The following ANKS4B variants were observed in gnomAD, a reference collection of about 807,000 sequenced individuals.
ANKS4B encodes ankyrin repeat and sterile alpha motif domain containing 4B, also known as ankyrin repeat and SAM domain-containing protein 4B.
In ANKS4B, 21 loss-of-function variants were observed where a neutral mutation model predicts 20.2. The observed-to-expected ratio is 1.04, with a 90% CI of 0.74 to 1.50. The LOEUF (loss-of-function observed/expected upper bound fraction) is 1.50. Among genes scored for constraint, ANKS4B ranks in the 40% most tolerant of loss-of-function variants. The pLI is 0.00. For synonymous variants in ANKS4B, 179 were observed against 194.5 expected (o/e 0.92, Z 0.66); for missense variants, 473 against 494.6 (o/e 0.96, Z 0.41).
intron 1 of ANKS4B, among the ~76,000 whole-genome samples, chr16:21,248,652 C>G (rs1288844293): frequency 6.6e-6 from 1 of 151,996 alleles, no homozygotes; most frequent in Non-Finnish European, 1.5e-5. Flanking sequence ...ATCGCTTGAA[C>G]CTGGGAGGTG....
At chr16:21,249,657 G>T (rs1372193904) in intron 1 of ANKS4B, 74 bp from the exon 2 acceptor site, 23 of 1,481,684 alleles carry the variant, frequency 1.6e-5, no homozygotes, top group Admixed American at 2.2e-5. Flanking sequence ...CTTTATTTTT[G>T]TTTTGATTTT....
At chr16:21,234,992 G>A (rs1198284710) in intron 1 of ANKS4B, among the ~76,000 whole-genome samples, 1 of 152,154 alleles carries the variant, frequency 6.6e-6, no homozygotes, top group African/African-American at 2.4e-5. Flanking sequence ...GGGACAAGAG[G>A]TGTGCACCAC....
chr16:21,238,480 AAT>A (rs57815936), intron 1 of ANKS4B, among the ~76,000 whole-genome samples: 149,922 of 150,598 alleles, frequency 1, 74,627 homozygotes, highest in South Asian at 1. Flanking sequence ...TGTAAACATA[AAT>A]ATATATATAT....
In ANKS4B at chr16:21,250,599, G is replaced by A; in HGVS notation, c.1033G>A (p.Ala345Thr). The change falls in exon 2 of 2, where the codon GCC becomes ACC. Residue 345 changes from alanine (A) to threonine (T), a missense_variant. Coordinates refer to ENST00000311620, the MANE Select transcript of ANKS4B (RefSeq NM_145865.3). ...GGAGTGGGAGGAAGATGTGGTCGATGCCACGCCCCTGGAAGTGTTCTTGCT... is the reference window on the plus strand; with the variant it reads ...GGAGTGGGAGGAAGATGTGGTCGATACCACGCCCCTGGAAGTGTTCTTGCT... The part of the protein sequence containing the change: ...EVEWEEDVVD[A>T]TPLEVFLLSQ... 6.2e-7 allele frequency: 1 copy of A among 1,614,152 alleles called. No homozygotes were observed. The highest frequency in any genetic ancestry group is 1.3e-5 in the African/African-American group (1 of 75,036).
At chr16:21,245,167 T>C (rs2093330873) in intron 1 of ANKS4B, among the ~76,000 whole-genome samples, 1 of 152,196 alleles carries the variant, frequency 6.6e-6, no homozygotes, top group Non-Finnish European at 1.5e-5. Flanking sequence ...GATTTGTGGC[T>C]TCGTTTGAAA....
Position 21,233,856 on chromosome 16 carries a change from C to A in ANKS4B, c.119C>A (p.Ala40Asp), listed in dbSNP as rs2093316768. 2 of 1,613,508 alleles carry A rather than the reference C, an allele frequency of 1.2e-6. No individual in the cohort carries two copies. The highest frequency in any genetic ancestry group is 1.3e-5 in the African/African-American group (1 of 74,902). ...EDGMTPTLLA[A>D]YHGNLEALEI... ...GGCATGACTCCTACTCTCTTGGCAG[C>A]CTACCATGGGAACTTGGAAGCCCTA... Residue 40 changes from alanine to aspartate, a missense_variant, in exon 1 of 2, where the codon GCC becomes GAC. Ala to Asp is a moderately radical substitution (Grantham distance 126). Transcript: ENST00000311620.
intron 1 of ANKS4B, among the ~76,000 whole-genome samples, chr16:21,240,214 A>T (rs2093324724): frequency 6.6e-6 from 1 of 152,224 alleles, no homozygotes; most frequent in Admixed American, 6.5e-5. Context: ...ATTACAAAAA[A>T]AAATTCATTT....
chr16:21,253,250 C>G lies in ANKS4B; in HGVS notation c.*2430C>G, dbSNP rs1367820951. 6.6e-6 allele frequency: 1 copy of G among 152,100 alleles called. No homozygotes were observed. The highest frequency in any genetic ancestry group is 1.5e-5 in the Non-Finnish European group (1 of 68,022). 9.4% of individuals were successfully genotyped at this position (152,100 alleles called of 1,614,324 possible). On this transcript the variant is annotated 3_prime_UTR_variant, in exon 2 of 2. Transcript: ENST00000311620. ...TGATGCACATCTGTTTGGGTTACTT[C>G]AAGAGGCATCATGGAGGATTCAAGT...
At chr16:21,245,443 A>G (rs531891060) in intron 1 of ANKS4B, among the ~76,000 whole-genome samples, 1 of 152,142 alleles carries the variant, frequency 6.6e-6, no homozygotes, top group South Asian at 2.1e-4. Context: ...AATATTTGTC[A>G]GATTAAAACT....
intron 1 of ANKS4B, among the ~76,000 whole-genome samples, chr16:21,242,885 G>C (rs899394785): frequency 2.6e-5 from 4 of 152,170 alleles, no homozygotes; most frequent in Admixed American, 2.6e-4. Context: ...CATTTTAAAG[G>C]CTTTTTGTGT....
In ANKS4B at chr16:21,249,966, A is replaced by G. The variant is rs1567227553; in HGVS notation, c.400A>G (p.Arg134Gly). The change falls in exon 2 of 2, where the codon AGG becomes GGG. Residue 134 changes from arginine to glycine, a missense_variant. Transcript: ENST00000311620. ...QNIMNPKKVT[R>G]LKEQAQKNAR... ...CATCATGAACCCCAAGAAGGTCACC[A>G]GGCTGAAGGAGCAGGCTCAGAAGAA... The G allele has an allele frequency of 6.2e-7, 1 of 1,614,088 alleles. No individual in the cohort carries two copies. The highest frequency in any genetic ancestry group is 8.5e-7 in the Non-Finnish European group (1 of 1,180,040).
intron 1 of ANKS4B, among the ~76,000 whole-genome samples, chr16:21,241,534 C>A (rs1350889725): frequency 6.6e-6 from 1 of 152,130 alleles, no homozygotes; most frequent in Non-Finnish European, 1.5e-5. Context: ...CTGCCTGTCT[C>A]CAGAGTAGCT....
At chr16:21,241,803 T>A (rs948657562) in intron 1 of ANKS4B, among the ~76,000 whole-genome samples, 3 of 152,226 alleles carry the variant, frequency 2.0e-5, no homozygotes, top group African/African-American at 7.2e-5. Context: ...TGGAATTAAG[T>A]CAAGCTAATT....
chr16:21,249,714 C>T lies in ANKS4B; in HGVS notation c.165-17C>T, dbSNP rs768515598. The T allele has an allele frequency of 1.6e-4, 226 of 1,426,718 alleles. No individual in the cohort carries two copies. The highest frequency in any genetic ancestry group is 3.0e-4 in the South Asian group (19 of 63,892). The allele number at this position is 1,426,718 out of a possible 1,614,324, so 88.4% of individuals were successfully genotyped here. A position where few individuals can be genotyped will look rare whatever the true frequency, so the allele number is the denominator to read the frequency against. On this transcript the variant is annotated splice_polypyrimidine_tract_variant and intron_variant, in intron 1 of 1. Transcript: ENST00000311620. ...AAAAAGTCCAACATGTATTTTTTTT[C>T]TCTCTCTCTCTTCTAGAGGGGACCC...
Position 21,252,685 on chromosome 16 carries a change from T to A in ANKS4B, c.*1865T>A, listed in dbSNP as rs1307836248. 1 of 152,242 alleles carries A rather than the reference T, an allele frequency of 6.6e-6. No homozygotes were observed. The highest frequency in any genetic ancestry group is 2.4e-5 in the African/African-American group (1 of 41,452). The allele number at this position is 152,242 out of a possible 1,614,324, so 9.4% of individuals were successfully genotyped here. ...GCTTATTATGTACACATGGTTTATT[T>A]ACTGTTGTCTGTCACCATTGCCGCA... On this transcript the variant is annotated 3_prime_UTR_variant, in exon 2 of 2. Transcript: ENST00000311620.
At position 21,250,144 on chromosome 16, in the gene ANKS4B, C is replaced by T; in HGVS notation, c.578C>T (p.Thr193Ile). 1 of 1,614,154 alleles carries T rather than the reference C, an allele frequency of 6.2e-7. No homozygotes were observed. The highest frequency in any genetic ancestry group is 8.5e-7 in the Non-Finnish European group (1 of 1,180,022). Reference sequence around the variant, plus strand: ...CCTTCAAATGCTTCTGCTCCTGGCACATTCGGGTCACTATCTAAGGGCATT... The same window carrying T: ...CCTTCAAATGCTTCTGCTCCTGGCATATTCGGGTCACTATCTAAGGGCATT... ...SSPSNASAPGTFGSLSKGIKD... is the reference protein window; with the variant it reads ...SSPSNASAPGIFGSLSKGIKD... The change falls in exon 2 of 2, where the codon ACA becomes ATA. Residue 193 changes from threonine (T) to isoleucine (I), a missense_variant. Thr to Ile is a moderately conservative substitution (Grantham distance 89). Transcript: ENST00000311620.
Position 21,253,813 on chromosome 16 carries a change from G to A in ANKS4B, c.*2993G>A, listed in dbSNP as rs568925183. On this transcript the variant is annotated 3_prime_UTR_variant, in exon 2 of 2. Transcript: ENST00000311620. ...AAGGATATAGTCTCTTCGTCACAGA[G>A]TATTGTTATATAATAAAAAAAGGTT... The A allele has an allele frequency of 6.6e-6, 1 of 152,126 alleles. No individual in the cohort carries two copies. Among genetic ancestry groups the A allele is most frequent in the Non-Finnish European group, 1.5e-5 (1 of 68,040 alleles). The allele number at this position is 152,126 out of a possible 1,614,324, so 9.4% of individuals were successfully genotyped here.
chr16:21,235,281 C>T (rs1357051261), intron 1 of ANKS4B, among the ~76,000 whole-genome samples: 2 of 152,182 alleles, frequency 1.3e-5, no homozygotes, highest in African/African-American at 4.8e-5. Flanking sequence ...AACAAGTTGG[C>T]TAGACGAAAG....
rs2051072009 is a variant in ANKS4B, at chr16:21,253,410, G to A, written c.*2590G>A. The A allele has an allele frequency of 6.6e-6, 1 of 152,176 alleles. No homozygotes were observed. The highest frequency in any genetic ancestry group is 1.5e-5 in the Non-Finnish European group (1 of 68,036). 9.4% of individuals were successfully genotyped at this position (152,176 alleles called of 1,614,324 possible). A position where few individuals can be genotyped will look rare whatever the true frequency, so the allele number is the denominator to read the frequency against. On this transcript the variant is annotated 3_prime_UTR_variant, in exon 2 of 2. Coordinates refer to ENST00000311620, the MANE Select transcript of ANKS4B (RefSeq NM_145865.3). ...TGATTGTTTACAAATACCTTATCTT[G>A]TGGAATAAACTGAAGTTGTGCTTTC...
Sources: gnomAD v4.1 joint callset for allele counts (sites outside exome capture counted in the v4.1 genomes callset) on GRCh38, gnomAD v4.1.1 for gene constraint, MANE v1.5 for transcripts, NCBI Gene and HGNC (gene_info 2026-07-23, HGNC 2026-07-21) for gene names.